AGBL4: variants seen among roughly 807,000 people sequenced by gnomAD.
The protein encoded by AGBL4 is AGBL carboxypeptidase 4, also known as cytosolic carboxypeptidase 6.
AGBL4 carries 58 observed loss-of-function variants against 66.4 expected under a neutral mutation model. The ratio of observed to expected loss-of-function variants is 0.87; its 90% CI spans 0.71 to 1.09. The LOEUF is 1.09. AGBL4 is among the 50% of genes least tolerant of loss of function. AGBL4 has a pLI of 0.00. For synonymous variants in AGBL4, 234 were observed against 222.9 expected (o/e 1.05, Z -0.44); for missense variants, 579 against 631.0 (o/e 0.92, Z 0.88).
chr1:49,968,044 T>A (rs1292823560), intron 1 of AGBL4, among the ~76,000 whole-genome samples: 1 of 151,966 alleles, frequency 6.6e-6, no homozygotes, highest in Non-Finnish European at 1.5e-5. Flanking sequence ...ACCAACATGG[T>A]GAAACCCCAT....
chr1:49,571,400 C>G (rs1409050663), intron 3 of AGBL4, among the ~76,000 whole-genome samples: 2 of 151,936 alleles, frequency 1.3e-5, no homozygotes, highest in Non-Finnish European at 2.9e-5. Flanking sequence ...TATAGAAATG[C>G]TACTTCTTTT....
intron 11 of AGBL4, among the ~76,000 whole-genome samples, chr1:48,562,887 G>A (rs1245482591): frequency 6.6e-6 from 1 of 152,194 alleles, no homozygotes; most frequent in Non-Finnish European, 1.5e-5. Context: ...ACACTGGGAT[G>A]CAAAAGTTCA....
At chr1:49,714,593 T>TATAC (rs1491300456) in intron 2 of AGBL4, among the ~76,000 whole-genome samples, 57 of 113,992 alleles carry the variant, frequency 5.0e-4, no homozygotes, top group African/African-American at 1.6e-3. Context: ...TATATATATA[T>TATAC]ACACACACAC....
At chr1:49,207,585 T>TCTTG (rs1648322741) in intron 4 of AGBL4, among the ~76,000 whole-genome samples, 1 of 147,594 alleles carries the variant, frequency 6.8e-6, no homozygotes, top group South Asian at 2.2e-4. Flanking sequence ...TTTCTTTCTT[T>TCTTG]CTTTCTTTCT....
intron 6 of AGBL4, among the ~76,000 whole-genome samples, chr1:48,729,077 T>G (rs1025617927): frequency 2.6e-5 from 4 of 152,298 alleles, no homozygotes; most frequent in African/African-American, 9.6e-5. Flanking sequence ...GATTCCTCAC[T>G]TCATAAATAA....
At chr1:49,665,641 C>CA (rs1181389711) in intron 3 of AGBL4, among the ~76,000 whole-genome samples, 1 of 151,824 alleles carries the variant, frequency 6.6e-6, no homozygotes, top group East Asian at 1.9e-4. Context: ...TGTCTCCATG[C>CA]AAAAAAAGTT....
intron 5 of AGBL4, among the ~76,000 whole-genome samples, chr1:49,044,115 A>G (rs556281389): frequency 6.6e-6 from 1 of 152,334 alleles, no homozygotes; most frequent in South Asian, 2.1e-4. Context: ...ATTAGCAACC[A>G]AAGTATTGCT....
chr1:49,568,298 A>T (rs975385407), intron 3 of AGBL4, among the ~76,000 whole-genome samples: 32 of 152,188 alleles, frequency 2.1e-4, no homozygotes, highest in African/African-American at 7.0e-4. Context: ...GTCTCAGGAT[A>T]CAAAATTAAT....
intron 13 of AGBL4, 146 bp from the exon 14 acceptor site, chr1:48,534,439 G>T: frequency 8.7e-7 from 1 of 1,143,846 alleles, no homozygotes; most frequent in Non-Finnish European, 1.2e-6. Flanking sequence ...CACTAAAGGT[G>T]ACAAAAATGA....
intron 1 of AGBL4, among the ~76,000 whole-genome samples, chr1:49,899,583 G>A (rs1212112511): frequency 1.3e-5 from 2 of 151,798 alleles, no homozygotes; most frequent in Non-Finnish European, 2.9e-5. Flanking sequence ...TACCTACATG[G>A]ACTTGTTTCT....
intron 5 of AGBL4, among the ~76,000 whole-genome samples, chr1:48,873,244 C>A (rs1029067909): frequency 6.6e-6 from 1 of 152,178 alleles, no homozygotes; most frequent in African/African-American, 2.4e-5. Flanking sequence ...TATGATCAAC[C>A]ACTTCTGGTT....
chr1:49,153,214 G>A (rs1646371613), intron 4 of AGBL4, among the ~76,000 whole-genome samples: 1 of 152,110 alleles, frequency 6.6e-6, no homozygotes, highest in Admixed American at 6.6e-5. Context: ...GACATAGGGA[G>A]GCATTTTTGA....
intron 1 of AGBL4, among the ~76,000 whole-genome samples, chr1:49,872,863 A>T (rs2148115575): frequency 6.6e-6 from 1 of 152,194 alleles, no homozygotes; most frequent in Admixed American, 6.5e-5. Flanking sequence ...TATGCCTGTT[A>T]TTAGATTCTA....
intron 2 of AGBL4, among the ~76,000 whole-genome samples, chr1:49,705,066 T>G (rs1024920111): frequency 2.0e-5 from 3 of 152,320 alleles, no homozygotes; most frequent in Non-Finnish European, 4.4e-5. Context: ...GAGCATGGAA[T>G]GTTTTTCCAC....
At chr1:48,635,403 T>C (rs778782836) in intron 8 of AGBL4, among the ~76,000 whole-genome samples, 13 of 152,232 alleles carry the variant, frequency 8.5e-5, no homozygotes, top group Admixed American at 3.3e-4. Context: ...TTTGTCTCAG[T>C]GAGAACCAGA....
At chr1:49,584,271 A>T (rs867419223) in intron 3 of AGBL4, among the ~76,000 whole-genome samples, 3 of 152,188 alleles carry the variant, frequency 2.0e-5, no homozygotes, top group Non-Finnish European at 4.4e-5. Flanking sequence ...GGTCTTTGAC[A>T]TTAGTTTTTT....
At chr1:48,668,380 C>A (rs753455019) in intron 6 of AGBL4, among the ~76,000 whole-genome samples, 16 of 151,948 alleles carry the variant, frequency 1.1e-4, no homozygotes, top group African/African-American at 2.9e-4. Flanking sequence ...CTGCATAAAA[C>A]CCTTCAGCAG....
chr1:49,955,313 T>C (rs916666439), intron 1 of AGBL4, among the ~76,000 whole-genome samples: 16 of 151,982 alleles, frequency 1.1e-4, no homozygotes, highest in African/African-American at 3.4e-4. Flanking sequence ...AAAGTTTCAC[T>C]ATAAAACAAT....
chr1:49,236,635 C>T (rs1557754689), intron 4 of AGBL4, among the ~76,000 whole-genome samples: 2 of 152,204 alleles, frequency 1.3e-5, no homozygotes, highest in African/African-American at 4.8e-5. Context: ...AAAGTTTCCC[C>T]AAAGACTGCA....
Sources: gnomAD v4.1 joint callset for allele counts (sites outside exome capture counted in the v4.1 genomes callset) on GRCh38, gnomAD v4.1.1 for gene constraint, MANE v1.5 for transcripts, NCBI Gene and HGNC (gene_info 2026-07-23, HGNC 2026-07-21) for gene names.